STAM2: variants seen among roughly 807,000 people sequenced by gnomAD.
STAM2 encodes signal transducing adaptor molecule 2.
Under a neutral mutation model 65.6 loss-of-function variants are expected in STAM2, and 51 were observed. That is an observed-to-expected ratio of 0.78 (90% CI 0.62 to 0.98). The LOEUF is 0.98. STAM2 is among the 50% of genes least tolerant of loss of function. The pLI, the probability that STAM2 is intolerant of heterozygous loss-of-function variation, is 0.00. For synonymous variants in STAM2, 198 were observed against 208.4 expected (o/e 0.95, Z 0.43); for missense variants, 584 against 617.8 (o/e 0.95, Z 0.58).
At chr2:152,144,408 A>T (rs191289240) in intron 6 of STAM2, among the ~76,000 whole-genome samples, 103 of 152,278 alleles carry the variant, frequency 6.8e-4, no homozygotes, top group African/African-American at 2.4e-3. Context: ...AAAGATAATG[A>T]ATTAAATTCA....
chr2:152,170,745 C>T (rs1236032252), intron 1 of STAM2, among the ~76,000 whole-genome samples: 1 of 152,188 alleles, frequency 6.6e-6, no homozygotes, highest in African/African-American at 2.4e-5. Flanking sequence ...CCTGTAATCC[C>T]AGCACTTTGG....
chr2:152,124,165 G>T, intron 12 of STAM2: 1 of 478,838 alleles, frequency 2.1e-6, no homozygotes, highest in Non-Finnish European at 3.7e-6. Context: ...CAGAGAGCTG[G>T]GAGAAAGACA....
chr2:152,160,756 G>A (rs1689654961), intron 1 of STAM2, among the ~76,000 whole-genome samples: 1 of 147,870 alleles, frequency 6.8e-6, no homozygotes. Flanking sequence ...GGGTGCCTCT[G>A]CCCGGCCGCC....
At chr2:152,165,541 A>G (rs1292864786) in intron 1 of STAM2, among the ~76,000 whole-genome samples, 1 of 152,108 alleles carries the variant, frequency 6.6e-6, no homozygotes, top group Non-Finnish European at 1.5e-5. Flanking sequence ...GACTGAGAAA[A>G]CCATTATGCA....
chr2:152,157,161 C>A (rs991033878), intron 1 of STAM2, among the ~76,000 whole-genome samples: 1 of 152,124 alleles, frequency 6.6e-6, no homozygotes, highest in Non-Finnish European at 1.5e-5. Flanking sequence ...GAGATGGCGA[C>A]CAGGTTTCTA....
chr2:152,166,439 G>C (rs911455016), intron 1 of STAM2, among the ~76,000 whole-genome samples: 2 of 152,120 alleles, frequency 1.3e-5, no homozygotes, highest in African/African-American at 4.8e-5. Context: ...GGTTAGAACT[G>C]ATAGTTGTCA....
At chr2:152,151,178 CT>C (rs1159526368) in intron 1 of STAM2, among the ~76,000 whole-genome samples, 1,769 of 121,144 alleles carry the variant, frequency 0.015, 26 homozygotes, top group African/African-American at 0.043. Flanking sequence ...TACATGAGTT[CT>C]TTTTTTTTTT....
At chr2:152,147,405 AATTAT>A (rs1427784849) in intron 4 of STAM2, 97 bp from the exon 5 acceptor site, 6 of 1,187,816 alleles carry the variant, frequency 5.1e-6, no homozygotes, top group African/African-American at 3.1e-5. Flanking sequence ...AATTCTCTTT[AATTAT>A]ATGAACATCA....
chr2:152,127,117 G>C (rs1476706928), intron 11 of STAM2, among the ~76,000 whole-genome samples: 1 of 152,208 alleles, frequency 6.6e-6, no homozygotes, highest in African/African-American at 2.4e-5. Context: ...CCCTTGAGCT[G>C]CTGCTCAGGC....
At chr2:152,144,822 C>A (rs1689309467) in intron 6 of STAM2, 66 bp downstream of exon 6, 2 of 1,407,994 alleles carry the variant, frequency 1.4e-6, no homozygotes, top group Non-Finnish European at 2.0e-6. Flanking sequence ...CAGGCGTGAG[C>A]CACCGCGCCC....
At chr2:152,149,820 A>C (rs1689409132) in intron 2 of STAM2, among the ~76,000 whole-genome samples, 1 of 152,248 alleles carries the variant, frequency 6.6e-6, no homozygotes, top group East Asian at 1.9e-4. Flanking sequence ...ACTCTTGACC[A>C]GAAGCCTCAC....
At position 152,143,809 on chromosome 2, in the gene STAM2, T is replaced by C. The variant is rs764212966; in HGVS notation, c.704+18A>G. ...GGGCATTACACTTTAAACCTTCCCATAAAGATTTAAAACTTACCTGTCATC... is the reference window on the plus strand; with the variant it reads ...GGGCATTACACTTTAAACCTTCCCACAAAGATTTAAAACTTACCTGTCATC... On this transcript the variant is annotated intron_variant, in intron 7 of 13. Transcript: ENST00000263904. 1 of 1,586,706 alleles carries C rather than the reference T, an allele frequency of 6.3e-7. No individual in the cohort carries two copies. Among genetic ancestry groups the C allele is most frequent in the South Asian group, 1.1e-5 (1 of 88,124 alleles).
chr2:152,175,492 C>T (rs896889211), intron 1 of STAM2, 111 bp downstream of exon 1: 42 of 1,407,178 alleles, frequency 3.0e-5, no homozygotes, highest in Non-Finnish European at 4.0e-5. Context: ...CCCCTCCCCT[C>T]CCTTCGCTTT....
At chr2:152,126,077 T>C (rs929763501) in intron 12 of STAM2, 149 bp downstream of exon 12, 13 of 650,320 alleles carry the variant, frequency 2.0e-5, no homozygotes, top group Admixed American at 3.7e-5. Flanking sequence ...ATGTTAATTG[T>C]TTAGCCAATA....
chr2:152,121,646 CTA>C lies in STAM2; in HGVS notation c.1350-846_1350-845del, dbSNP rs145827427. On this transcript the variant is annotated intron_variant, in intron 13 of 13. Transcript: ENST00000263904. ...AATCAACCCTCAGGATAGTCCGAAA[CTA>C]TAGTTTCTTTATTGACACTTCACAA... 6.3e-3 allele frequency among the ~76,000 whole-genome samples: 957 copies of C among 152,262 alleles called. 9 individuals are homozygous for C. Among genetic ancestry groups the C allele is most frequent in the African/African-American group, 0.022 (906 of 41,558 alleles).
chr2:152,163,373 C>G (rs1244548819), intron 1 of STAM2, among the ~76,000 whole-genome samples: 2 of 152,152 alleles, frequency 1.3e-5, no homozygotes, highest in Non-Finnish European at 2.9e-5. Context: ...TTATGCCTGT[C>G]TTTAATTTCT....
chr2:152,129,644 G>C (rs1689022486), intron 11 of STAM2, among the ~76,000 whole-genome samples: 1 of 151,970 alleles, frequency 6.6e-6, no homozygotes, highest in Non-Finnish European at 1.5e-5. Context: ...CATGTCCATG[G>C]GTTCTGCATC....
At chr2:152,168,993 T>C (rs953571443) in intron 1 of STAM2, among the ~76,000 whole-genome samples, 1 of 152,124 alleles carries the variant, frequency 6.6e-6, no homozygotes, top group African/African-American at 2.4e-5. Flanking sequence ...AATATGAAAA[T>C]ATCTGTATAA....
At chr2:152,172,280 A>C (rs1038857628) in intron 1 of STAM2, among the ~76,000 whole-genome samples, 1 of 152,206 alleles carries the variant, frequency 6.6e-6, no homozygotes, top group Non-Finnish European at 1.5e-5. Flanking sequence ...TGCCAAGAAA[A>C]GACAGGAATT....
Sources: allele counts gnomAD v4.1 joint callset (sites outside exome capture counted in the v4.1 genomes callset), GRCh38; gene constraint gnomAD v4.1.1; transcripts MANE v1.5; gene names NCBI Gene and HGNC (gene_info 2026-07-23, HGNC 2026-07-21).